RETREG1: variants seen among roughly 807,000 people sequenced by gnomAD.
RETREG1 encodes the protein family with sequence similarity 134 member B.
In RETREG1, 44 loss-of-function variants were observed where a neutral mutation model predicts 54.8. The ratio of observed to expected loss-of-function variants is 0.80; its 90% CI spans 0.63 to 1.03. The LOEUF is 1.03. Among genes scored for constraint, RETREG1 ranks in the 50% least tolerant of loss-of-function variants. The pLI is 0.00. For synonymous variants in RETREG1, 217 were observed against 238.5 expected, an observed-to-expected ratio of 0.91 and a Z score of 0.83; for missense variants, 554 against 605.1, an observed-to-expected ratio of 0.92 and a Z score of 0.89.
intron 3 of RETREG1, among the ~76,000 whole-genome samples, chr5:16,531,602 G>A (rs1740918424): frequency 6.6e-6 from 1 of 152,112 alleles, no homozygotes; most frequent in African/African-American, 2.4e-5. Flanking sequence ...TTGGAGGTCT[G>A]GGGGGTGGCA....
intron 2 of RETREG1, among the ~76,000 whole-genome samples, chr5:16,566,074 T>C (rs913040178): frequency 1.3e-5 from 2 of 152,160 alleles, no homozygotes; most frequent in Non-Finnish European, 2.9e-5. Context: ...GGGGACTTCA[T>C]TGTCCCCTGG....
chr5:16,560,679 T>A (rs1741829915), intron 3 of RETREG1, among the ~76,000 whole-genome samples: 1 of 152,148 alleles, frequency 6.6e-6, no homozygotes, highest in Non-Finnish European at 1.5e-5. Context: ...AAAACCCTAA[T>A]CCCACATGGC....
chr5:16,494,563 G>T (rs1464676137), intron 3 of RETREG1, among the ~76,000 whole-genome samples: 2 of 152,180 alleles, frequency 1.3e-5, no homozygotes, highest in Non-Finnish European at 2.9e-5. Flanking sequence ...TCTTACTCCT[G>T]CTCTGGCCAT....
At chr5:16,604,633 G>A (rs1447248899) in intron 1 of RETREG1, among the ~76,000 whole-genome samples, 4 of 152,096 alleles carry the variant, frequency 2.6e-5, no homozygotes, top group Non-Finnish European at 5.9e-5. Flanking sequence ...TGAGTGTCTG[G>A]GAAGAGATGG....
At position 16,477,705 on chromosome 5, in the gene RETREG1, G is replaced by C; in HGVS notation, c.957C>G (p.Phe319Leu). The change falls in exon 8 of 9, where the codon TTC becomes TTG. Residue 319 changes from phenylalanine (F) to leucine (L), a missense_variant. Phe to Leu is a conservative substitution (Grantham distance 22, BLOSUM62 0). Around this residue, in one of 4 missense-constraint regions of RETREG1, gnomAD observed 347 missense variants for 412.3 expected, o/e 0.84. Transcript: ENST00000306320. ...GTGGAGTGTATCCTTCTGAAAGGTTGAAGGTCCCATTATCAGTCCAGGATA... is the reference window on the plus strand; with the variant it reads ...GTGGAGTGTATCCTTCTGAAAGGTTCAAGGTCCCATTATCAGTCCAGGATA... Reference protein sequence around the residue: ...SEVSWTDNGTFNLSEGYTPQT... With the variant: ...SEVSWTDNGTLNLSEGYTPQT... 1 of 1,613,310 alleles carries C rather than the reference G, an allele frequency of 6.2e-7. No individual in the cohort carries two copies. Among genetic ancestry groups the C allele is most frequent in the Middle Eastern group, 1.7e-4 (1 of 6,054 alleles).
At chr5:16,581,022 G>A (rs1420785794) in intron 1 of RETREG1, among the ~76,000 whole-genome samples, 1 of 152,216 alleles carries the variant, frequency 6.6e-6, no homozygotes, top group East Asian at 1.9e-4. Context: ...CTGCCTGGCA[G>A]CTGCAGGGCA....
Position 16,478,913 on chromosome 5 carries a change from C to T in RETREG1, c.745G>A (p.Val249Ile), listed in dbSNP as rs372401503. The T allele has an allele frequency of 3.7e-6, 6 of 1,611,832 alleles. No homozygotes were observed. The highest frequency in any genetic ancestry group is 5.1e-6 in the Non-Finnish European group (6 of 1,178,544). The change falls in exon 6 of 9, where the codon GTT becomes ATT. Residue 249 changes from valine to isoleucine, a missense_variant. Val to Ile is a conservative substitution (Grantham distance 29, BLOSUM62 3). This residue lies in a region of RETREG1 where 347 missense variants were observed against 412.3 expected (regional missense o/e 0.84). Coordinates refer to ENST00000306320, the MANE Select transcript of RETREG1 (RefSeq NM_001034850.3). ...ATTCCAAAATCCAGTTTCAGCAGAA[C>T]TGACTTAATTTTGCTGTAAATTTTT... ...GQKIYSKIKS[V>I]LLKLDFGIGE...
chr5:16,475,604 A>T (rs1295256819), intron 8 of RETREG1, among the ~76,000 whole-genome samples: 1 of 152,248 alleles, frequency 6.6e-6, no homozygotes, highest in African/African-American at 2.4e-5. Flanking sequence ...ATCTTAAGCC[A>T]ATGAGTACAC....
At chr5:16,505,421 G>T (rs973900369) in intron 3 of RETREG1, among the ~76,000 whole-genome samples, 12 of 152,038 alleles carry the variant, frequency 7.9e-5, no homozygotes, top group Admixed American at 5.2e-4. Context: ...TCACCTTGGG[G>T]TCTGTCTCCA....
intron 3 of RETREG1, among the ~76,000 whole-genome samples, chr5:16,550,777 A>C (rs2126615667): frequency 6.6e-6 from 1 of 152,388 alleles, no homozygotes; most frequent in East Asian, 1.9e-4. Context: ...ATGATGGAAT[A>C]GTATTCAGCC....
At chr5:16,514,964 A>ATT (rs1392237010) in intron 3 of RETREG1, among the ~76,000 whole-genome samples, 6 of 147,824 alleles carry the variant, frequency 4.1e-5, no homozygotes, top group African/African-American at 1.5e-4. Context: ...GTGTATATAT[A>ATT]TTATATATAT....
In RETREG1 at chr5:16,511,547, T is replaced by C. The variant is rs531251878; in HGVS notation, c.459-28075A>G. On this transcript the variant is annotated intron_variant, in intron 3 of 8. Transcript: ENST00000306320. ...AGTACTTTGTTTTAGCGCCCTGTCATGCATGTTAAAATTGCTTGTTCCAAC... is the reference window on the plus strand; with the variant it reads ...AGTACTTTGTTTTAGCGCCCTGTCACGCATGTTAAAATTGCTTGTTCCAAC... Among the ~76,000 whole-genome samples the C allele has an allele frequency of 3.9e-5, 6 of 152,320 alleles. No individual in the cohort carries two copies. The East Asian group carries it at 7.7e-4, about 20-fold the overall frequency.
intron 2 of RETREG1, among the ~76,000 whole-genome samples, chr5:16,568,012 G>A (rs924275551): frequency 4.6e-5 from 7 of 152,162 alleles, no homozygotes; most frequent in East Asian, 1.9e-4. Context: ...AGATATGACT[G>A]GTTCTATCTC....
chr5:16,510,701 A>G lies in RETREG1; in HGVS notation c.459-27229T>C, dbSNP rs1049231689. Among the ~76,000 whole-genome samples, 10 of 151,758 alleles carry G rather than the reference A, an allele frequency of 6.6e-5. 1 individual carries two copies. Among genetic ancestry groups the G allele is most frequent in the Non-Finnish European group, 4.4e-5 (3 of 67,964 alleles). On this transcript the variant is annotated intron_variant, in intron 3 of 8. Coordinates refer to ENST00000306320, the MANE Select transcript of RETREG1 (RefSeq NM_001034850.3). ...GCTACTCGGGAGGCTGAGGCAGAAG[A>G]ATCACTTGAGCCTGGGAGGCGGAGG... is the stretch of plus-strand genomic sequence containing the variant.
At chr5:16,481,301 GTAA>G (rs1459957917) in intron 4 of RETREG1, among the ~76,000 whole-genome samples, 1 of 152,032 alleles carries the variant, frequency 6.6e-6, no homozygotes, top group Non-Finnish European at 1.5e-5. Flanking sequence ...TCAACACTTG[GTAA>G]TAATTATTTT....
intron 3 of RETREG1, among the ~76,000 whole-genome samples, chr5:16,515,655 C>T (rs1740328518): frequency 6.6e-6 from 1 of 152,120 alleles, no homozygotes; most frequent in Admixed American, 6.5e-5. Flanking sequence ...AGAATAATGT[C>T]ACCAAGTCAA....
rs756329400 is a variant in RETREG1 at position 16,593,255 on chromosome 5, G to A, written c.321-21153C>T. ...GTGATGTGTTTTCCTTTCAGAGCAC[G>A]CCTTCTGACTCCCACTTGTATGCTG... On this transcript the variant is annotated intron_variant, in intron 1 of 8. Transcript: ENST00000306320. This position sits in a 1 kb window ranked among gnomAD's most constrained non-coding sequence, Gnocchi z 4.9. Among the ~76,000 whole-genome samples, 3 of 151,990 alleles carry A rather than the reference G, an allele frequency of 2.0e-5. No individual in the cohort carries two copies. The highest frequency in any genetic ancestry group is 4.4e-5 in the Non-Finnish European group (3 of 67,996).
chr5:16,556,307 C>T (rs556565798), intron 3 of RETREG1, among the ~76,000 whole-genome samples: 18 of 152,150 alleles, frequency 1.2e-4, no homozygotes, highest in Non-Finnish European at 2.5e-4. Flanking sequence ...AGGCACCCGC[C>T]GCCACGCCCG....
In RETREG1 at chr5:16,508,951, C is replaced by G. The variant is rs1344872827; in HGVS notation, c.459-25479G>C. 3.6e-6 allele frequency: 4 copies of G among 1,125,460 alleles called. No homozygotes were observed. The East Asian group carries it at 2.1e-4, about 60-fold the overall frequency. 69.7% of individuals were successfully genotyped at this position (1,125,460 alleles called of 1,614,324 possible). A position where few individuals can be genotyped will look rare whatever the true frequency, so the allele number is the denominator to read the frequency against. ...GCCCAGCTGCCCCGCATTCTCTCTC[C>G]AGTCCTGTGAGAAGGTGTCCCCGCT... On this transcript the variant is annotated intron_variant, in intron 3 of 8. Coordinates refer to ENST00000306320, the MANE Select transcript of RETREG1 (RefSeq NM_001034850.3).
Sources: gnomAD v4.1 joint callset for allele counts (sites outside exome capture counted in the v4.1 genomes callset) on GRCh38, gnomAD v4.1.1 for gene constraint, gnomAD v4.1.1 regional missense constraint, Gnocchi (gnomAD v3.1) non-coding constraint, MANE v1.5 for transcripts, NCBI Gene and HGNC (gene_info 2026-07-23, HGNC 2026-07-21) for gene names.